Variants in L3MBTL4 observed in about 807,000 individuals in gnomAD.
L3MBTL4 encodes the protein L3MBTL histone methyl-lysine binding protein 4.
Under a neutral mutation model 84.5 loss-of-function variants are expected in L3MBTL4, and 70 were observed. That is an observed-to-expected ratio of 0.83 (90% CI 0.68 to 1.01). The LOEUF (loss-of-function observed/expected upper bound fraction) is 1.01, where lower values mean the gene tolerates loss of function less well. Among genes scored for constraint, L3MBTL4 ranks in the 50% least tolerant of loss-of-function variants. The pLI is 0.00. For synonymous variants in L3MBTL4, 274 were observed against 259.8 expected, an observed-to-expected ratio of 1.05 and a Z score of -0.52; for missense variants, 715 against 754.8, an observed-to-expected ratio of 0.95 and a Z score of 0.62.
intron 1 of L3MBTL4, among the ~76,000 whole-genome samples, chr18:6,378,355 GC>G (rs1299031532): frequency 1.3e-5 from 2 of 152,104 alleles, no homozygotes. Context: ...GGCTATTGTT[GC>G]CATTGCTTTT....
rs373404474 is a variant in L3MBTL4 at position 5,958,148 on chromosome 18, G to C, written c.1678-1761C>G. On this transcript the variant is annotated intron_variant, in intron 18 of 18. Coordinates refer to ENST00000317931, the MANE Select transcript of L3MBTL4 (RefSeq NM_001330559.2). ...AGAAGAAAAAGAAGAAGAAGAAGAA[G>C]AAGAAGAAGAACAAGAAGAAGAAGA... Among the ~76,000 whole-genome samples, 41 of 67,060 alleles carry C rather than the reference G, an allele frequency of 6.1e-4. No homozygotes were observed. In the East Asian group the frequency reaches 0.016, roughly 25 times the overall value. 44.0% of individuals were successfully genotyped at this position (67,060 alleles called of 152,430 possible).
chr18:6,148,636 G>T (rs1209453034), intron 13 of L3MBTL4, among the ~76,000 whole-genome samples: 1 of 151,998 alleles, frequency 6.6e-6, no homozygotes, highest in Non-Finnish European at 1.5e-5. Flanking sequence ...ATGCTATGTT[G>T]CCTAGGACAG....
chr18:6,267,266 T>A (rs2048675806), intron 4 of L3MBTL4, among the ~76,000 whole-genome samples: 1 of 152,204 alleles, frequency 6.6e-6, no homozygotes, highest in Non-Finnish European at 1.5e-5. Flanking sequence ...CTTACTAATG[T>A]ATGAGAAATT....
chr18:6,263,157 C>T (rs983908850), intron 5 of L3MBTL4, among the ~76,000 whole-genome samples: 9 of 151,592 alleles, frequency 5.9e-5, no homozygotes, highest in Non-Finnish European at 1.2e-4. Context: ...GTAATCCCAG[C>T]TTCTCAGATG....
At chr18:5,982,766 A>G (rs1013444216) in intron 16 of L3MBTL4, among the ~76,000 whole-genome samples, 1 of 152,244 alleles carries the variant, frequency 6.6e-6, no homozygotes, top group Non-Finnish European at 1.5e-5. Flanking sequence ...ACATATGCTT[A>G]AGAGGGATAA....
chr18:6,095,106 A>C (rs2143705079), intron 14 of L3MBTL4, among the ~76,000 whole-genome samples: 1 of 152,252 alleles, frequency 6.6e-6, no homozygotes, highest in Admixed American at 6.5e-5. Context: ...TTAAAAAGCT[A>C]CCCCTATTGA....
chr18:6,292,178 C>G (rs187095784), intron 4 of L3MBTL4, among the ~76,000 whole-genome samples: 1 of 152,290 alleles, frequency 6.6e-6, no homozygotes, highest in East Asian at 1.9e-4. Context: ...ATAAATTCAA[C>G]ACAGTCATAA....
intron 16 of L3MBTL4, among the ~76,000 whole-genome samples, chr18:6,027,067 C>T (rs1598474341): frequency 1.3e-5 from 2 of 152,062 alleles, no homozygotes; most frequent in Non-Finnish European, 2.9e-5. Flanking sequence ...ATGTGCAGAA[C>T]GTGCAGGTTT....
In L3MBTL4 at chr18:5,969,139, C is replaced by G. The variant is rs538280164; in HGVS notation, c.1614+254G>C. 9.2e-5 allele frequency among the ~76,000 whole-genome samples: 14 copies of G among 152,254 alleles called. No individual in the cohort carries two copies. In the East Asian group the frequency reaches 2.7e-3, roughly 29 times the overall value. On this transcript the variant is annotated intron_variant, in intron 17 of 18. Transcript: ENST00000317931. ...TTAGCCCCAGCTGATAGCTCTGGGC[C>G]TCGGGGGGCACTGGAATAAGGCTGC... is the stretch of plus-strand genomic sequence containing the variant.
At chr18:6,181,944 C>T (rs997802358) in intron 12 of L3MBTL4, among the ~76,000 whole-genome samples, 1 of 152,136 alleles carries the variant, frequency 6.6e-6, no homozygotes, top group Non-Finnish European at 1.5e-5. Context: ...TGTGTCTTTG[C>T]TACTGTAAGT....
At chr18:6,260,876 G>C (rs961770098) in intron 5 of L3MBTL4, 1 of 152,046 alleles carries the variant, frequency 6.6e-6, no homozygotes, top group Non-Finnish European at 1.5e-5. Context: ...GCTCCTTCTT[G>C]GAAAGCTGAC....
intron 16 of L3MBTL4, among the ~76,000 whole-genome samples, chr18:5,984,892 G>A (rs1380475190): frequency 1.3e-5 from 2 of 151,818 alleles, no homozygotes; most frequent in Admixed American, 1.3e-4. Flanking sequence ...AAAATCATTG[G>A]TCAATTCTTG....
intron 1 of L3MBTL4, among the ~76,000 whole-genome samples, chr18:6,314,991 C>T (rs938600678): frequency 2.6e-5 from 4 of 152,186 alleles, no homozygotes; most frequent in Admixed American, 2.6e-4. Context: ...GCACTGCTTT[C>T]ACTCCCCCAA....
intron 12 of L3MBTL4, among the ~76,000 whole-genome samples, chr18:6,210,035 T>C (rs1240439138): frequency 6.6e-6 from 1 of 152,064 alleles, no homozygotes; most frequent in African/African-American, 2.4e-5. Flanking sequence ...GGGTACAAGG[T>C]TGCTTTCTAG....
intron 16 of L3MBTL4, among the ~76,000 whole-genome samples, chr18:5,983,726 C>T (rs1158449605): frequency 6.6e-6 from 1 of 152,148 alleles, no homozygotes; most frequent in Non-Finnish European, 1.5e-5. Flanking sequence ...AAACCAGACA[C>T]AGCAAGTTTC....
intron 16 of L3MBTL4, among the ~76,000 whole-genome samples, chr18:5,970,062 G>A (rs1355512281): frequency 6.6e-6 from 1 of 152,214 alleles, no homozygotes; most frequent in African/African-American, 2.4e-5. Context: ...TCCCCTGAGT[G>A]ATACTGAACA....
intron 1 of L3MBTL4, among the ~76,000 whole-genome samples, chr18:6,353,635 A>G (rs1049771870): frequency 2.0e-5 from 3 of 152,180 alleles, no homozygotes; most frequent in African/African-American, 7.2e-5. Context: ...TAGCATTTCT[A>G]TATGCCAACA....
intron 1 of L3MBTL4, among the ~76,000 whole-genome samples, chr18:6,379,379 C>T (rs966984007): frequency 9.9e-5 from 15 of 152,220 alleles, no homozygotes; most frequent in Admixed American, 7.2e-4. Context: ...TGAGATAGGG[C>T]ATCCTTGTCT....
intron 16 of L3MBTL4, chr18:6,032,231 C>T (rs554427914): frequency 4.8e-4 from 311 of 645,586 alleles, no homozygotes; most frequent in Non-Finnish European, 5.3e-4. Context: ...CCTGCCTCGG[C>T]CTCCCAAAGT....
Sources: gnomAD v4.1 joint callset for allele counts (sites outside exome capture counted in the v4.1 genomes callset) on GRCh38, gnomAD v4.1.1 for gene constraint, MANE v1.5 for transcripts, NCBI Gene and HGNC (gene_info 2026-07-23, HGNC 2026-07-21) for gene names.